ST8SIA5: variants seen among roughly 807,000 people sequenced by gnomAD.
The protein encoded by ST8SIA5 is alpha-2,8-sialyltransferase 8E.
Under a neutral mutation model 40.2 loss-of-function variants are expected in ST8SIA5, and 24 were observed. The observed-to-expected ratio is 0.60, with a 90% CI of 0.43 to 0.84. The LOEUF (loss-of-function observed/expected upper bound fraction) is 0.84, where lower values mean the gene tolerates loss of function less well. ST8SIA5 is among the 40% of genes least tolerant of loss of function. The pLI, the probability that ST8SIA5 is intolerant of heterozygous loss-of-function variation, is 0.00. For synonymous variants in ST8SIA5, 198 were observed against 201.8 expected, an observed-to-expected ratio of 0.98 and a Z score of 0.16; for missense variants, 465 against 498.5, an observed-to-expected ratio of 0.93 and a Z score of 0.64.
intron 5 of ST8SIA5, among the ~76,000 whole-genome samples, chr18:46,683,420 G>A (rs2039417173): frequency 6.6e-6 from 1 of 152,052 alleles, no homozygotes; most frequent in South Asian, 2.1e-4. Flanking sequence ...CCAGACACAG[G>A]TCCTGTGCAA....
intron 1 of ST8SIA5, among the ~76,000 whole-genome samples, chr18:46,708,668 A>G (rs541801846): frequency 6.6e-6 from 1 of 152,288 alleles, no homozygotes; most frequent in Non-Finnish European, 1.5e-5. Flanking sequence ...GAAATTACTC[A>G]GATCAACCAA....
Position 46,673,989 on chromosome 18 carries a change from T to A in ST8SIA5, c.*6053A>T, listed in dbSNP as rs1327618466. 6.6e-6 allele frequency: 1 copy of A among 152,070 alleles called. No homozygotes were observed. Among genetic ancestry groups the A allele is most frequent in the South Asian group, 2.1e-4 (1 of 4,814 alleles). The allele number at this position is 152,070 out of a possible 1,614,324, so 9.4% of individuals were successfully genotyped here. ...GAGCTCAGAGAAGCAGCACCTTTTT[T>A]CCCCCAGGAAACAACCCCATGCTCC... On this transcript the variant is annotated 3_prime_UTR_variant, in exon 7 of 7. Transcript: ENST00000315087.
At chr18:46,711,484 C>A (rs920124263) in intron 1 of ST8SIA5, among the ~76,000 whole-genome samples, 8 of 152,140 alleles carry the variant, frequency 5.3e-5, no homozygotes, top group Non-Finnish European at 8.8e-5. Flanking sequence ...AGTGTCACTG[C>A]ACTTCCTCTC....
intron 1 of ST8SIA5, among the ~76,000 whole-genome samples, chr18:46,705,861 G>A (rs1197942528): frequency 1.3e-5 from 2 of 152,218 alleles, no homozygotes; most frequent in African/African-American, 4.8e-5. Flanking sequence ...GCCAAGGATT[G>A]GAAATTAGGC....
At chr18:46,692,365 G>T in intron 2 of ST8SIA5, 110 bp from the exon 3 acceptor site, 1 of 926,378 alleles carries the variant, frequency 1.1e-6, no homozygotes, top group Non-Finnish European at 1.7e-6. Context: ...CAGTCCTGGG[G>T]CTGGCCCTTG....
chr18:46,680,538 C>T (rs1163713013), intron 6 of ST8SIA5, 28 bp from the exon 7 acceptor site: 4 of 1,534,722 alleles, frequency 2.6e-6, no homozygotes, highest in Non-Finnish European at 3.5e-6. Context: ...GAGAGGTGAG[C>T]ACCCACTCCT....
In ST8SIA5 at chr18:46,680,513, A is replaced by G. The variant is rs553135361; in HGVS notation, c.663-3T>C. 55 of 1,579,334 alleles carry G rather than the reference A, an allele frequency of 3.5e-5. No individual in the cohort carries two copies. The South Asian group carries it at 4.9e-4, about 14-fold the overall frequency. ...GCCACTTCTCCAGCTTGTGGAACCT[A>G]CACAGGGCGCGAGTGAGAGGTGAGC... On this transcript the variant is annotated splice_region_variant and splice_polypyrimidine_tract_variant and intron_variant, in intron 6 of 6. Transcript: ENST00000315087.
At chr18:46,717,360 A>G (rs2039803385) in intron 1 of ST8SIA5, among the ~76,000 whole-genome samples, 2 of 151,358 alleles carry the variant, frequency 1.3e-5, no homozygotes, top group Non-Finnish European at 2.9e-5. Flanking sequence ...TTTTAGACGG[A>G]GTTTTGCTCT....
At position 46,692,256 on chromosome 18, in the gene ST8SIA5, C is replaced by T. The variant is rs1231630626; in HGVS notation, c.225-1G>A. The T allele has an allele frequency of 6.2e-7, 1 of 1,614,160 alleles. No homozygotes were observed. Among genetic ancestry groups the T allele is most frequent in the South Asian group, 1.1e-5 (1 of 91,076 alleles). On this transcript the variant is annotated splice_acceptor_variant, in intron 2 of 6. Transcript: ENST00000315087. LOFTEE classifies it high-confidence loss of function. ...GTCGAACAGCTCTGACTGCTTCACC[C>T]TTGGGAGTAGAGGACAGAAGAGTAC...
chr18:46,708,639 C>T (rs2039692263), intron 1 of ST8SIA5, among the ~76,000 whole-genome samples: 1 of 152,170 alleles, frequency 6.6e-6, no homozygotes, highest in Non-Finnish European at 1.5e-5. Context: ...GGGATAACCC[C>T]TATGCCCCAG....
At chr18:46,725,972 A>AAAAAAAAATATAT (rs59660372) in intron 1 of ST8SIA5, among the ~76,000 whole-genome samples, 3 of 29,090 alleles carry the variant, frequency 1.0e-4, no homozygotes, top group African/African-American at 1.5e-4. Context: ...AAAAAAAAAA[A>AAAAAAAAATATAT]ATATATATAT....
chr18:46,709,541 T>C (rs1238498228), intron 1 of ST8SIA5, among the ~76,000 whole-genome samples: 1 of 152,230 alleles, frequency 6.6e-6, no homozygotes, highest in African/African-American at 2.4e-5. Context: ...AACTGCATTT[T>C]GGAGGGTGTC....
rs994964176 is a variant in ST8SIA5, at chr18:46,671,730, A to G, written c.*8312T>C. 3.3e-5 allele frequency: 5 copies of G among 152,252 alleles called. No individual in the cohort carries two copies. The highest frequency in any genetic ancestry group is 1.2e-4 in the African/African-American group (5 of 41,468). 9.4% of individuals were successfully genotyped at this position (152,252 alleles called of 1,614,324 possible). A position where few individuals can be genotyped will look rare whatever the true frequency, so the allele number is the denominator to read the frequency against. The stretch of plus-strand genomic sequence containing the variant: ...GAAGAAATCTATGTTACTTTGCTTT[A>G]AAAATATGTCATAATATTTATCTGA... On this transcript the variant is annotated 3_prime_UTR_variant, in exon 7 of 7. Coordinates refer to ENST00000315087, the MANE Select transcript of ST8SIA5 (RefSeq NM_013305.6).
At chr18:46,739,520 C>T (rs996546126) in intron 1 of ST8SIA5, among the ~76,000 whole-genome samples, 6 of 152,136 alleles carry the variant, frequency 3.9e-5, no homozygotes, top group African/African-American at 7.2e-5. Flanking sequence ...GGTAACAGAG[C>T]GAGACTCCAC....
chr18:46,721,492 G>A (rs961005743), intron 1 of ST8SIA5: 12 of 1,527,304 alleles, frequency 7.9e-6, no homozygotes, highest in East Asian at 2.4e-5. Context: ...CGAGGCAGTC[G>A]GTACTCATGC....
rs2039309755 is a variant in ST8SIA5, at chr18:46,671,619, C to T, written c.*8423G>A. On this transcript the variant is annotated 3_prime_UTR_variant, in exon 7 of 7. Transcript: ENST00000315087. Reference sequence around the variant, plus strand: ...CCTATTGCTGCAGATCCACCAACCCCTTAGCTCAGATCACTAAATGCATCC... The same window carrying T: ...CCTATTGCTGCAGATCCACCAACCCTTTAGCTCAGATCACTAAATGCATCC... 6.6e-6 allele frequency: 1 copy of T among 152,288 alleles called. No homozygotes were observed. Among genetic ancestry groups the T allele is most frequent in the Non-Finnish European group, 1.5e-5 (1 of 68,092 alleles). 9.4% of individuals were successfully genotyped at this position (152,288 alleles called of 1,614,324 possible). A position where few individuals can be genotyped will look rare whatever the true frequency, so the allele number is the denominator to read the frequency against.
chr18:46,737,779 T>A (rs1476591447), intron 1 of ST8SIA5, among the ~76,000 whole-genome samples: 1 of 152,100 alleles, frequency 6.6e-6, no homozygotes, highest in Admixed American at 6.5e-5. Context: ...ATAATTAATT[T>A]TTTTTTTTTG....
intron 1 of ST8SIA5, among the ~76,000 whole-genome samples, chr18:46,718,953 A>C (rs543521592): frequency 6.6e-6 from 1 of 152,304 alleles, no homozygotes; most frequent in South Asian, 2.1e-4. Flanking sequence ...AGAAGGCAGA[A>C]GCTGCTCACA....
At chr18:46,727,888 T>C (rs2039946553) in intron 1 of ST8SIA5, among the ~76,000 whole-genome samples, 1 of 152,186 alleles carries the variant, frequency 6.6e-6, no homozygotes, top group South Asian at 2.1e-4. Context: ...CTGTGGACTG[T>C]TTAATGACGA....
Sources: gnomAD v4.1 joint callset for allele counts (sites outside exome capture counted in the v4.1 genomes callset) on GRCh38, gnomAD v4.1.1 for gene constraint, MANE v1.5 for transcripts, NCBI Gene and HGNC (gene_info 2026-07-23, HGNC 2026-07-21) for gene names.